CROCC2: variants seen among roughly 807,000 people sequenced by gnomAD.
The protein encoded by CROCC2 is ciliary rootlet coiled-coil protein 2.
Under a neutral mutation model 177.6 loss-of-function variants are expected in CROCC2, and 163 were observed. The ratio of observed to expected loss-of-function variants is 0.92; its 90% CI spans 0.81 to 1.05. The LOEUF is 1.05. Ranked by LOEUF, CROCC2 falls within the 50% of genes least tolerant of loss-of-function variation. The pLI, the probability that CROCC2 is intolerant of heterozygous loss-of-function variation, is 0.00. For synonymous variants in CROCC2, 904 were observed against 787.3 expected (o/e 1.15, Z -2.48); for missense variants, 1,929 against 1,797.8 (o/e 1.07, Z -1.32).
Position 240,982,231 on chromosome 2 carries a change from G to C in CROCC2, c.4402-649G>C, listed in dbSNP as rs183683651. ...CTCAGCCATCATGGGGTAGCACCTG[G>C]GGACAGTGAGGAAACTGAAGGGCTG... On this transcript the variant is annotated intron_variant, in intron 27 of 31. Coordinates refer to ENST00000690015, the MANE Select transcript of CROCC2 (RefSeq NM_001351305.2). The surrounding 1 kb of genome is among the most constrained non-coding windows in gnomAD (Gnocchi z 4.7). 1 of 143,592 alleles carries C rather than the reference G, an allele frequency of 7.0e-6. No individual in the cohort carries two copies. The highest frequency in any genetic ancestry group is 1.5e-5 in the Non-Finnish European group (1 of 66,552). The allele number at this position is 143,592 out of a possible 1,614,324, so 8.9% of individuals were successfully genotyped here.
Position 240,967,491 on chromosome 2 carries a change from C to T in CROCC2, c.4267+26C>T, listed in dbSNP as rs776894531. 1.6e-5 allele frequency: 24 copies of T among 1,547,400 alleles called. 1 individual carries two copies. In the South Asian group the frequency reaches 2.7e-4, roughly 18 times the overall value. ...GTGACCTCCCTTGCCCTGCCCCGCC[C>T]ACCCTGGGAGTGGCTGTGAGAGTGG... On this transcript the variant is annotated intron_variant, in intron 26 of 31. Coordinates refer to ENST00000690015, the MANE Select transcript of CROCC2 (RefSeq NM_001351305.2).
At chr2:240,912,814 C>T (rs1463058273) in intron 1 of CROCC2, among the ~76,000 whole-genome samples, 1 of 152,224 alleles carries the variant, frequency 6.6e-6, no homozygotes, top group Admixed American at 6.5e-5. Context: ...TACTTTGCGG[C>T]TATCCAGGGG....
Position 240,960,069 on chromosome 2 carries a change from G to A in CROCC2, c.3087+625G>A, listed in dbSNP as rs1439941982. On this transcript the variant is annotated intron_variant, in intron 20 of 31. Coordinates refer to ENST00000690015, the MANE Select transcript of CROCC2 (RefSeq NM_001351305.2). The surrounding 1 kb of genome is among the most constrained non-coding windows in gnomAD (Gnocchi z 5.0). Reference sequence around the variant, plus strand: ...AAGAAAGTGGAGTCAGGAAGGGCCTGACTCTGGAGGCACTGGGGCAGCTGT... The same window carrying A: ...AAGAAAGTGGAGTCAGGAAGGGCCTAACTCTGGAGGCACTGGGGCAGCTGT... Among the ~76,000 whole-genome samples, 1 of 152,260 alleles carries A rather than the reference G, an allele frequency of 6.6e-6. No individual in the cohort carries two copies. Among genetic ancestry groups the A allele is most frequent in the Non-Finnish European group, 1.5e-5 (1 of 68,050 alleles).
Position 240,934,573 on chromosome 2 carries a change from C to T in CROCC2, c.1791+98C>T, listed in dbSNP as rs571086682. The T allele has an allele frequency of 4.9e-5, 62 of 1,272,292 alleles. No homozygotes were observed. In the African/African-American group the frequency reaches 8.1e-4, roughly 17 times the overall value. 78.8% of individuals were successfully genotyped at this position (1,272,292 alleles called of 1,614,324 possible). A position where few individuals can be genotyped will look rare whatever the true frequency, so the allele number is the denominator to read the frequency against. ...CTCCCACTCCCTCTCTCCTGCCTGCCGGGCCCCTCAGCCCATCACCAGAGA... is the reference window on the plus strand; with the variant it reads ...CTCCCACTCCCTCTCTCCTGCCTGCTGGGCCCCTCAGCCCATCACCAGAGA... On this transcript the variant is annotated intron_variant, in intron 12 of 31. Transcript: ENST00000690015.
In CROCC2 at chr2:240,922,521, G is replaced by T; in HGVS notation, c.382-18G>T. On this transcript the variant is annotated intron_variant, in intron 3 of 31. Coordinates refer to ENST00000690015, the MANE Select transcript of CROCC2 (RefSeq NM_001351305.2). ...GTTCAGGAGCAGCCAGACCAGGTGG[G>T]CTATTGCTCCTCCCCAGCTGCAGGC... 1 of 693,164 alleles carries T rather than the reference G, an allele frequency of 1.4e-6. No individual in the cohort carries two copies. 42.9% of individuals were successfully genotyped at this position (693,164 alleles called of 1,614,324 possible).
At chr2:240,974,273 CTTCTT>C (rs2059743656) in intron 27 of CROCC2, among the ~76,000 whole-genome samples, 1 of 151,428 alleles carries the variant, frequency 6.6e-6, no homozygotes, top group Non-Finnish European at 1.5e-5. Flanking sequence ...CAATGTATCT[CTTCTT>C]TTATTTTTGT....
chr2:240,926,966 C>T (rs1057466393), intron 5 of CROCC2, among the ~76,000 whole-genome samples: 10 of 152,226 alleles, frequency 6.6e-5, no homozygotes, highest in African/African-American at 2.2e-4. Context: ...TCCCGGGAGC[C>T]GATTCTGCTG....
rs936107417 is a variant in CROCC2, at chr2:240,966,327, G to A, written c.4064G>A (p.Ser1355Asn). 74 of 410,496 alleles carry A rather than the reference G, an allele frequency of 1.8e-4. No homozygotes were observed. The East Asian group carries it at 2.6e-3, about 14-fold the overall frequency. The allele number at this position is 410,496 out of a possible 1,614,324, so 25.4% of individuals were successfully genotyped here. A position where few individuals can be genotyped will look rare whatever the true frequency, so the allele number is the denominator to read the frequency against. The change falls in exon 25 of 32, where the codon AGC becomes AAC. Residue 1355 changes from serine (S) to asparagine (N), a missense_variant. Ser to Asn is a conservative substitution (Grantham distance 46, BLOSUM62 1). This residue lies in a region of CROCC2 where 388 missense variants were observed against 352.7 expected (regional missense o/e 1.10). Transcript: ENST00000690015. ...CCCTCGCCCACACCCGGAGGCCGCA[G>A]CTCAGAGCTCATGGATGTGGCCACC... ...RWPSPTPGGRSSELMDVATVQ... is the reference protein window; with the variant it reads ...RWPSPTPGGRNSELMDVATVQ...
rs2059459345 is a variant in CROCC2, at chr2:240,935,051, C to G, written c.1927C>G (p.Leu643Val). 7 of 1,372,920 alleles carry G rather than the reference C, an allele frequency of 5.1e-6. 1 individual carries two copies. In the Admixed American group the frequency reaches 2.0e-4, roughly 39 times the overall value. 85.0% of individuals were successfully genotyped at this position (1,372,920 alleles called of 1,614,324 possible). A position where few individuals can be genotyped will look rare whatever the true frequency, so the allele number is the denominator to read the frequency against. The change falls in exon 13 of 32, where the codon CTG (leucine) becomes GTG (valine). Residue 643 changes from leucine (L) to valine (V), a missense_variant. Around this residue, in one of 3 missense-constraint regions of CROCC2, gnomAD observed 1,397 missense variants for 1,239.9 expected, o/e 1.13. Coordinates refer to ENST00000690015, the MANE Select transcript of CROCC2 (RefSeq NM_001351305.2). Reference protein sequence around the residue: ...LAQDKSALNHLALQLEQERDQ... With the variant: ...LAQDKSALNHVALQLEQERDQ... ...TCAGGACAAAAGTGCCCTGAACCAC[C>G]TGGCTCTCCAGGTGAGACAAGGGCC...
At chr2:240,959,083 C>T in intron 19 of CROCC2, 4 of 543,602 alleles carry the variant, frequency 7.4e-6, no homozygotes, top group South Asian at 7.4e-5. Flanking sequence ...TCACACATCA[C>T]AGCTGTCAGG....
chr2:240,981,939 A>G (rs1259144080), intron 27 of CROCC2: 2 of 152,010 alleles, frequency 1.3e-5, no homozygotes, highest in Non-Finnish European at 2.9e-5. Context: ...CTCAAGGCCC[A>G]ACAGCTGCCA....
chr2:240,949,195 C>T lies in CROCC2; in HGVS notation c.2482+98C>T. On this transcript the variant is annotated intron_variant, in intron 16 of 31. Transcript: ENST00000690015. The surrounding 1 kb of genome is among the most constrained non-coding windows in gnomAD (Gnocchi z 4.5). ...TGCCCACACGTGCTGCACCCCCTCT[C>T]CGGAGCCCACAGGGGCATGAACATG... is the stretch of plus-strand genomic sequence containing the variant. 3 of 1,445,802 alleles carry T rather than the reference C, an allele frequency of 2.1e-6. No individual in the cohort carries two copies. The highest frequency in any genetic ancestry group is 2.7e-6 in the Non-Finnish European group (3 of 1,104,486). 89.6% of individuals were successfully genotyped at this position (1,445,802 alleles called of 1,614,324 possible). A position where few individuals can be genotyped will look rare whatever the true frequency, so the allele number is the denominator to read the frequency against.
rs978353581 is a variant in CROCC2 at position 240,934,471 on chromosome 2, C to T, written c.1787C>T (p.Ala596Val). The T allele has an allele frequency of 7.8e-6, 12 of 1,547,564 alleles. No individual in the cohort carries two copies. The African/African-American group carries it at 8.2e-5, about 11-fold the overall frequency. ...SEREGLRSAL[A>V]RAECSNADLE... is the part of the protein sequence containing the mutation. ...AGGGAGGGACTGCGCAGCGCCCTGG[C>T]GCGGGTACACTCTGCTCCCCACAAC... The change falls in exon 12 of 32, where the codon GCG becomes GTG. Residue 596 changes from alanine to valine, a missense_variant. Physicochemically the swap from Ala to Val is moderately conservative, Grantham distance 64. Transcript: ENST00000690015.
At chr2:240,983,420 GC>G (rs2059815069) in intron 28 of CROCC2, 1 of 1,282,290 alleles carries the variant, frequency 7.8e-7, no homozygotes, top group African/African-American at 1.6e-5. Context: ...AGCGTCTTCG[GC>G]CCAGGTGCTC....
chr2:240,993,252 T>A lies in CROCC2; in HGVS notation c.*171T>A. On this transcript the variant is annotated 3_prime_UTR_variant, in exon 32 of 32. Transcript: ENST00000690015. ...TTGCCCTGGCTGCTCATGGGGAACA[T>A]TTGAAATGCATGTGGGGGCCTCCGA... 1 of 557,006 alleles carries A rather than the reference T, an allele frequency of 1.8e-6. No homozygotes were observed. The highest frequency in any genetic ancestry group is 3.3e-6 in the Non-Finnish European group (1 of 304,694). 34.5% of individuals were successfully genotyped at this position (557,006 alleles called of 1,614,324 possible).
At chr2:240,932,554 C>A (rs981057559) in intron 8 of CROCC2, 140 bp downstream of exon 8, 2 of 688,998 alleles carry the variant, frequency 2.9e-6, no homozygotes, top group African/African-American at 1.8e-5. Flanking sequence ...CTTTGAGGCA[C>A]GTCAGGAAGG....
chr2:240,968,344 A>C (rs1282638560), intron 27 of CROCC2, 82 bp downstream of exon 27: 2 of 1,412,316 alleles, frequency 1.4e-6, no homozygotes, highest in Non-Finnish European at 1.9e-6. Context: ...CAGGGAGGCC[A>C]CAGGGCCGGG....
At chr2:240,925,555 G>A (rs1160072493) in intron 4 of CROCC2, among the ~76,000 whole-genome samples, 169 bp from the exon 5 acceptor site, 1 of 151,782 alleles carries the variant, frequency 6.6e-6, no homozygotes, top group East Asian at 1.9e-4. Context: ...GGGGTCCTTT[G>A]TGGGGCCCAT....
intron 27 of CROCC2, among the ~76,000 whole-genome samples, chr2:240,981,002 C>T (rs2059794280): frequency 9.9e-6 from 1 of 101,042 alleles, no homozygotes; most frequent in Non-Finnish European, 1.9e-5. Context: ...CAGACTCATC[C>T]CTGCTCAGTC....
Sources: allele counts gnomAD v4.1 joint callset (sites outside exome capture counted in the v4.1 genomes callset), GRCh38; gene constraint gnomAD v4.1.1; regional missense constraint gnomAD v4.1.1; non-coding constraint Gnocchi (gnomAD v3.1); transcripts MANE v1.5; gene names NCBI Gene and HGNC (gene_info 2026-07-23, HGNC 2026-07-21).